IGSF5: variants seen among roughly 807,000 people sequenced by gnomAD.
IGSF5 encodes immunoglobulin superfamily 5 like.
Under a neutral mutation model 39.4 loss-of-function variants are expected in IGSF5, and 41 were observed. That is an observed-to-expected ratio of 1.04 (90% CI 0.81 to 1.35). The LOEUF is 1.35. Among genes scored for constraint, IGSF5 ranks in the 40% most tolerant of loss-of-function variants. The probability of loss-of-function intolerance (pLI) is 0.00; values close to 1 mark genes in which losing one functional copy is unlikely to be tolerated. For synonymous variants in IGSF5, 183 were observed against 175.3 expected, an observed-to-expected ratio of 1.04 and a Z score of -0.34; for missense variants, 487 against 494.6, an observed-to-expected ratio of 0.98 and a Z score of 0.15.
chr21:39,793,336 C>T (rs1012961934), intron 7 of IGSF5, among the ~76,000 whole-genome samples, 198 bp from the exon 8 acceptor site: 4 of 152,032 alleles, frequency 2.6e-5, no homozygotes, highest in Non-Finnish European at 5.9e-5. Flanking sequence ...AGTTAGTTTT[C>T]CATATTTTTA....
the IGSF5 span, among the ~76,000 whole-genome samples, chr21:39,721,671 G>T: frequency 1.4e-5 from 2 of 140,734 alleles, no homozygotes; most frequent in Non-Finnish European, 3.1e-5. Context: ...CTGGCCATCT[G>T]TCCCTTCCTT....
At chr21:39,785,502 C>G (rs1295908444) in intron 5 of IGSF5, among the ~76,000 whole-genome samples, 1 of 152,126 alleles carries the variant, frequency 6.6e-6, no homozygotes, top group African/African-American at 2.4e-5. Context: ...ATGCCTCCAC[C>G]TTTGTTCTTT....
Position 39,772,131 on chromosome 21 carries a change from A to T in IGSF5, c.718+916A>T, listed in dbSNP as rs553524914. 3.9e-5 allele frequency among the ~76,000 whole-genome samples: 6 copies of T among 152,354 alleles called. No homozygotes were observed. The South Asian group carries it at 1.2e-3, about 32-fold the overall frequency. On this transcript the variant is annotated intron_variant, in intron 4 of 8. Coordinates refer to ENST00000380588, the MANE Select transcript of IGSF5 (RefSeq NM_001080444.2). Reference sequence around the variant, plus strand: ...ACCCTATAGCTCTTACCAAGTTATCAGGCACTATTCTGAGCACTTCTCAGG... The same window carrying T: ...ACCCTATAGCTCTTACCAAGTTATCTGGCACTATTCTGAGCACTTCTCAGG...
At chr21:39,746,835 A>G (rs1201516233) in intron 2 of IGSF5, among the ~76,000 whole-genome samples, 1 of 152,168 alleles carries the variant, frequency 6.6e-6, no homozygotes, top group Non-Finnish European at 1.5e-5. Flanking sequence ...TACTATTACA[A>G]TTTCTAACAT....
intron 8 of IGSF5, among the ~76,000 whole-genome samples, chr21:39,795,339 C>T (rs910303645): frequency 2.6e-5 from 4 of 151,902 alleles, no homozygotes; most frequent in Non-Finnish European, 5.9e-5. Flanking sequence ...CTGAGGGGCT[C>T]GCTCCCACCC....
intron 8 of IGSF5, among the ~76,000 whole-genome samples, 154 bp downstream of exon 8, chr21:39,793,767 G>C (rs1425361828): frequency 6.6e-6 from 1 of 152,212 alleles, no homozygotes; most frequent in Non-Finnish European, 1.5e-5. Flanking sequence ...AGCATGGAGA[G>C]ATGGGGCTGA....
the IGSF5 span, among the ~76,000 whole-genome samples, chr21:39,712,674 C>T: frequency 2.0e-5 from 3 of 152,260 alleles, 1 homozygote. Context: ...CATTGGGCCA[C>T]TACTGGAGTG....
At chr21:39,793,456 C>T (rs1029807415) in intron 7 of IGSF5, 78 bp from the exon 8 acceptor site, 20 of 1,132,992 alleles carry the variant, frequency 1.8e-5, no homozygotes, top group Non-Finnish European at 2.4e-5. Flanking sequence ...AAATGTGTTT[C>T]TTTATAAATC....
In IGSF5 at chr21:39,746,966, G is replaced by C. The variant is rs527591276; in HGVS notation, c.100+668G>C. On this transcript the variant is annotated intron_variant, in intron 2 of 8. Coordinates refer to ENST00000380588, the MANE Select transcript of IGSF5 (RefSeq NM_001080444.2). ...CTGACCCCAGCATGCCCTAAGGAAG[G>C]TCAGCCCAAGGGCAGGCACTTGGCT... 6.6e-5 allele frequency among the ~76,000 whole-genome samples: 10 copies of C among 152,326 alleles called. No homozygotes were observed. The East Asian group carries it at 1.9e-3, about 29-fold the overall frequency.
intron 5 of IGSF5, among the ~76,000 whole-genome samples, chr21:39,785,492 A>G (rs2080195938): frequency 6.6e-6 from 1 of 152,168 alleles, no homozygotes; most frequent in East Asian, 1.9e-4. Context: ...AGGTAGTGTG[A>G]TGCCTCCACC....
chr21:39,798,568 C>T (rs985366996), intron 8 of IGSF5, among the ~76,000 whole-genome samples: 1 of 152,198 alleles, frequency 6.6e-6, no homozygotes, highest in African/African-American at 2.4e-5. Flanking sequence ...CTCTCAATCT[C>T]TCTTCCCTGA....
chr21:39,741,423 G>C (rs889465793), upstream of IGSF5, among the ~76,000 whole-genome samples: 1 of 152,220 alleles, frequency 6.6e-6, no homozygotes, highest in Non-Finnish European at 1.5e-5. Flanking sequence ...GGTGACTTTG[G>C]ATAATTTTAG....
chr21:39,769,408 C>T (rs563099486), intron 3 of IGSF5, among the ~76,000 whole-genome samples: 3 of 144,732 alleles, frequency 2.1e-5, no homozygotes, highest in South Asian at 2.2e-4. Context: ...CGGAGGTTGC[C>T]GTGAGCCAAC....
At chr21:39,762,312 T>G (rs2080065432) in intron 2 of IGSF5, among the ~76,000 whole-genome samples, 1 of 152,128 alleles carries the variant, frequency 6.6e-6, no homozygotes, top group Admixed American at 6.5e-5. Context: ...ACAACTTAGT[T>G]TTATACATTT....
intron 4 of IGSF5, among the ~76,000 whole-genome samples, chr21:39,771,710 GT>G (rs1237442845): frequency 6.6e-6 from 1 of 152,158 alleles, no homozygotes; most frequent in Non-Finnish European, 1.5e-5. Flanking sequence ...TATGTATATA[GT>G]TTAACTTGAC....
chr21:39,770,350 C>T (rs1569253167), intron 3 of IGSF5, among the ~76,000 whole-genome samples: 2 of 152,144 alleles, frequency 1.3e-5, no homozygotes, highest in East Asian at 1.9e-4. Flanking sequence ...GATTGGAATT[C>T]GATTTAATTT....
intron 2 of IGSF5, among the ~76,000 whole-genome samples, chr21:39,754,510 G>A (rs11910857): frequency 0.014 from 2,101 of 152,250 alleles, 51 homozygotes; most frequent in African/African-American, 0.048. Flanking sequence ...GGCTGAGTGC[G>A]ATCTCAAAAG....
At chr21:39,720,057 T>C in the IGSF5 span, among the ~76,000 whole-genome samples, 1 of 152,186 alleles carries the variant, frequency 6.6e-6, no homozygotes, top group Non-Finnish European at 1.5e-5. Flanking sequence ...AGATCAGCAG[T>C]CCCCAACCTT....
chr21:39,801,126 A>G, intron 8 of IGSF5, 136 bp from the exon 9 acceptor site: 1 of 641,412 alleles, frequency 1.6e-6, no homozygotes. Flanking sequence ...CAAGAAAGGA[A>G]GAGCTTATTT....
Sources: gnomAD v4.1 joint callset for allele counts (sites outside exome capture counted in the v4.1 genomes callset) on GRCh38, gnomAD v4.1.1 for gene constraint, MANE v1.5 for transcripts, NCBI Gene and HGNC (gene_info 2026-07-23, HGNC 2026-07-21) for gene names.